The following TMEM184B variants were observed in gnomAD, a reference collection of about 807,000 sequenced individuals.
TMEM184B encodes putative MAPK-activating protein FM08.
TMEM184B carries 17 observed loss-of-function variants against 41.8 expected under a neutral mutation model. That is an observed-to-expected ratio of 0.41 (90% CI 0.28 to 0.61). The LOEUF is 0.61. Ranked by LOEUF, TMEM184B falls within the 20% of genes least tolerant of loss-of-function variation. TMEM184B has a pLI of 0.34. For missense variants in TMEM184B, 393 were observed against 557.8 expected, an observed-to-expected ratio of 0.70 and a Z score of 2.98; for synonymous variants, 240 against 229.5, an observed-to-expected ratio of 1.05 and a Z score of -0.41.
chr22:38,219,963 A>G lies in TMEM184B; in HGVS notation c.*1506T>C. 1.0e-6 allele frequency: 1 copy of G among 985,494 alleles called. No homozygotes were observed. Among genetic ancestry groups the G allele is most frequent in the Non-Finnish European group, 1.2e-6 (1 of 829,952 alleles). 61.0% of individuals were successfully genotyped at this position (985,494 alleles called of 1,614,324 possible). On this transcript the variant is annotated 3_prime_UTR_variant, in exon 9 of 9. Coordinates refer to ENST00000361906, the MANE Select transcript of TMEM184B (RefSeq NM_012264.5). ...GGCCCCAACTCTCCTCACAGGTGGC[A>G]GGGAGGGAACCTGTTCATTCCAGGA...
intron 5 of TMEM184B, among the ~76,000 whole-genome samples, chr22:38,230,370 G>C (rs1209192365): frequency 3.3e-5 from 5 of 152,218 alleles, no homozygotes; most frequent in African/African-American, 4.8e-5. Flanking sequence ...GGAGGTTCTA[G>C]AATCCCCACG....
chr22:38,244,020 G>A (rs149347539), intron 3 of TMEM184B, among the ~76,000 whole-genome samples: 5 of 152,228 alleles, frequency 3.3e-5, no homozygotes, highest in Admixed American at 1.3e-4. Context: ...TTCCCAGGCC[G>A]GGGACACAGC....
intron 5 of TMEM184B, among the ~76,000 whole-genome samples, chr22:38,227,071 T>G: frequency 2.6e-5 from 3 of 114,850 alleles, no homozygotes; most frequent in African/African-American, 1.0e-4. Context: ...ATGGAGGAGA[T>G]GGGGGGTGGC....
At chr22:38,238,528 T>C (rs536086078) in intron 3 of TMEM184B, among the ~76,000 whole-genome samples, 7 of 152,336 alleles carry the variant, frequency 4.6e-5, no homozygotes, top group Admixed American at 3.9e-4. Flanking sequence ...CTGGCCACTA[T>C]CGAGGTCTTA....
At chr22:38,240,613 A>C (rs1361153373) in intron 3 of TMEM184B, among the ~76,000 whole-genome samples, 1 of 151,858 alleles carries the variant, frequency 6.6e-6, no homozygotes, top group African/African-American at 2.4e-5. Context: ...GAGCATCCAC[A>C]CTGGAAGGGC....
rs554058011 is a variant in TMEM184B at position 38,238,482 on chromosome 22, C to T, written c.359-7148G>A. Among the ~76,000 whole-genome samples, 18 of 152,316 alleles carry T rather than the reference C, an allele frequency of 1.2e-4. 1 individual carries two copies. The South Asian group carries it at 3.3e-3, about 28-fold the overall frequency. ...CTCACAATCCGCCCACCTTGGCCTC[C>T]CAAAGTGGTGGGATTATAGGCGTGA... On this transcript the variant is annotated intron_variant, in intron 3 of 8. Coordinates refer to ENST00000361906, the MANE Select transcript of TMEM184B (RefSeq NM_012264.5).
chr22:38,225,341 AG>A lies in TMEM184B; in HGVS notation c.787+82del. 1 of 1,469,014 alleles carries A rather than the reference AG, an allele frequency of 6.8e-7. No homozygotes were observed. Among genetic ancestry groups the A allele is most frequent in the Non-Finnish European group, 9.1e-7 (1 of 1,100,964 alleles). 91.0% of individuals were successfully genotyped at this position (1,469,014 alleles called of 1,614,324 possible). On this transcript the variant is annotated intron_variant, in intron 7 of 8. Transcript: ENST00000361906. The surrounding 1 kb of genome is among the most constrained non-coding windows in gnomAD (Gnocchi z 4.4). The stretch of plus-strand genomic sequence containing the variant: ...CCTCTGAACAGGCCCTACAGGCACC[AG>A]GGACCATAAGCAGAAGGGGCAGCAG...
Position 38,272,898 on chromosome 22 carries a change from G to A in TMEM184B, c.-73C>T, listed in dbSNP as rs1293154570. On this transcript the variant is annotated 5_prime_UTR_variant, in exon 1 of 9. Transcript: ENST00000361906. ...AGGCGGGATACCTCAGGAGCCCATG[G>A]CGGTGGCGGCGTCTGCGGACGATGC... is the stretch of plus-strand genomic sequence containing the variant. The A allele has an allele frequency of 1.3e-6, 1 of 774,094 alleles. No homozygotes were observed. The highest frequency in any genetic ancestry group is 1.9e-5 in the African/African-American group (1 of 53,404). The allele number at this position is 774,094 out of a possible 1,614,324, so 48.0% of individuals were successfully genotyped here. A position where few individuals can be genotyped will look rare whatever the true frequency, so the allele number is the denominator to read the frequency against.
At position 38,225,556 on chromosome 22, in the gene TMEM184B, T is replaced by C; in HGVS notation, c.655A>G (p.Asn219Asp). Residue 219 changes from asparagine to aspartate, a missense_variant, in exon 7 of 9, where the codon AAC becomes GAC. This residue lies in a region of TMEM184B where 271 missense variants were observed against 434.1 expected (regional missense o/e 0.62). Coordinates refer to ENST00000361906, the MANE Select transcript of TMEM184B (RefSeq NM_012264.5). This position sits in a 1 kb window ranked among gnomAD's most constrained non-coding sequence, Gnocchi z 4.4. The stretch of plus-strand genomic sequence containing the variant: ...TAGAGGGCCAGGCTGACGGAGATGT[T>C]GTAGATGATGGTCACGTAGAGGTAG... The part of the protein sequence containing the change: ...SGYLYVTIIY[N>D]ISVSLALYAL... The C allele has an allele frequency of 1.9e-6, 3 of 1,606,398 alleles. No individual in the cohort carries two copies. Among genetic ancestry groups the C allele is most frequent in the Non-Finnish European group, 2.5e-6 (3 of 1,177,000 alleles).
At position 38,226,033 on chromosome 22, in the gene TMEM184B, T is replaced by C. The variant is rs971431161; in HGVS notation, c.618-440A>G. Among the ~76,000 whole-genome samples, 5 of 151,888 alleles carry C rather than the reference T, an allele frequency of 3.3e-5. No homozygotes were observed. The highest frequency in any genetic ancestry group is 4.2e-4 in the South Asian group (2 of 4,808). ...GGGCTGTTACACAGTTCACAGACAG[T>C]GTGTGCCGAGAGCTTGAAAGCACAG... is the stretch of plus-strand genomic sequence containing the variant. On this transcript the variant is annotated intron_variant, in intron 6 of 8. Coordinates refer to ENST00000361906, the MANE Select transcript of TMEM184B (RefSeq NM_012264.5). The surrounding 1 kb of genome is among the most constrained non-coding windows in gnomAD (Gnocchi z 4.6).
rs541141762 is a variant in TMEM184B, at chr22:38,256,058, T to C, written c.-58-8039A>G. 2.6e-3 allele frequency among the ~76,000 whole-genome samples: 392 copies of C among 152,272 alleles called. 2 individuals are homozygous for C. Among genetic ancestry groups the C allele is most frequent in the African/African-American group, 9.0e-3 (374 of 41,566 alleles). On this transcript the variant is annotated intron_variant, in intron 1 of 8. Transcript: ENST00000361906. ...TGAATAAGGTCTGTACTTCAGTTAATAGTACTGTTGGGCTGGGCATGGTGG... is the reference window on the plus strand; with the variant it reads ...TGAATAAGGTCTGTACTTCAGTTAACAGTACTGTTGGGCTGGGCATGGTGG...
At chr22:38,255,366 G>A (rs1440020199) in intron 1 of TMEM184B, among the ~76,000 whole-genome samples, 1 of 151,858 alleles carries the variant, frequency 6.6e-6, no homozygotes, top group Non-Finnish European at 1.5e-5. Flanking sequence ...TAGTGACGGG[G>A]TTTCACCATA....
chr22:38,254,204 CAA>C (rs61216492), intron 1 of TMEM184B, among the ~76,000 whole-genome samples: 1,035 of 86,526 alleles, frequency 0.012, 14 homozygotes, highest in African/African-American at 0.042. Flanking sequence ...CTCTTGTCTC[CAA>C]AAAAAAAAAA....
chr22:38,224,395 T>G (rs1037803148), intron 8 of TMEM184B, among the ~76,000 whole-genome samples: 1 of 152,218 alleles, frequency 6.6e-6, no homozygotes, highest in Admixed American at 6.5e-5. Context: ...ATTATAGGCG[T>G]GAGCCACCGT....
At chr22:38,265,813 G>A (rs1484911328) in intron 1 of TMEM184B, among the ~76,000 whole-genome samples, 1 of 152,200 alleles carries the variant, frequency 6.6e-6, no homozygotes, top group Non-Finnish European at 1.5e-5. Flanking sequence ...AAAAACCACA[G>A]GCGCTAGAGG....
At chr22:38,254,767 G>A (rs1344183774) in intron 1 of TMEM184B, among the ~76,000 whole-genome samples, 1 of 151,842 alleles carries the variant, frequency 6.6e-6, no homozygotes, top group Non-Finnish European at 1.5e-5. Flanking sequence ...TGCTGGCAAG[G>A]ATGCAGAGAA....
chr22:38,224,826 A>G lies in TMEM184B; in HGVS notation c.941T>C (p.Phe314Ser). Residue 314 changes from phenylalanine (F) to serine (S), a missense_variant, in exon 8 of 9, where the codon TTC becomes TCC. Coordinates refer to ENST00000361906, the MANE Select transcript of TMEM184B (RefSeq NM_012264.5). Reference sequence around the variant, plus strand: ...CTTGTCAGCATAGACCTTGTAGGTGAAGGCGTGCCGCAGGGCCAGGGCTGC... The same window carrying G: ...CTTGTCAGCATAGACCTTGTAGGTGGAGGCGTGCCGCAGGGCCAGGGCTGC... ...FFAALALRHA[F>S]TYKVYADKRL... 1 of 1,613,158 alleles carries G rather than the reference A, an allele frequency of 6.2e-7. No individual in the cohort carries two copies. The highest frequency in any genetic ancestry group is 8.5e-7 in the Non-Finnish European group (1 of 1,179,554).
Position 38,219,770 on chromosome 22 carries a change from T to C in TMEM184B, c.*1699A>G. On this transcript the variant is annotated 3_prime_UTR_variant, in exon 9 of 9. Coordinates refer to ENST00000361906, the MANE Select transcript of TMEM184B (RefSeq NM_012264.5). ...GGAGAGACAGCTTGGTGAAAGCAGATGGCGGGGCAGGGCCAGGGCTGGTCC... is the reference window on the plus strand; with the variant it reads ...GGAGAGACAGCTTGGTGAAAGCAGACGGCGGGGCAGGGCCAGGGCTGGTCC... The C allele has an allele frequency of 1.0e-6, 1 of 985,586 alleles. No homozygotes were observed. The highest frequency in any genetic ancestry group is 1.2e-6 in the Non-Finnish European group (1 of 830,060). The allele number at this position is 985,586 out of a possible 1,614,324, so 61.1% of individuals were successfully genotyped here. A position where few individuals can be genotyped will look rare whatever the true frequency, so the allele number is the denominator to read the frequency against.
intron 2 of TMEM184B, among the ~76,000 whole-genome samples, chr22:38,247,550 A>AGATC (rs1173457648): frequency 6.6e-6 from 1 of 152,220 alleles, no homozygotes; most frequent in Non-Finnish European, 1.5e-5. Flanking sequence ...CAGTGAGCCA[A>AGATC]GATCGCACCA....
Sources: gnomAD v4.1 joint callset for allele counts (sites outside exome capture counted in the v4.1 genomes callset) on GRCh38, gnomAD v4.1.1 for gene constraint, gnomAD v4.1.1 regional missense constraint, Gnocchi (gnomAD v3.1) non-coding constraint, MANE v1.5 for transcripts, NCBI Gene and HGNC (gene_info 2026-07-23, HGNC 2026-07-21) for gene names.